Variants in ELAVL2 observed in about 807,000 individuals in gnomAD.
The protein encoded by ELAVL2 is ELAV-like protein 2.
A neutral mutation model predicts 34.6 loss-of-function variants in ELAVL2; 4 were observed. That is an observed-to-expected ratio of 0.12 (90% CI 0.06 to 0.26). ELAVL2 has a LOEUF of 0.26. ELAVL2 is among the 10% of genes least tolerant of loss of function. The pLI is 1.00. For missense variants in ELAVL2, 432 were observed against 442.8 expected (o/e 0.98, Z 0.22); for synonymous variants, 193 against 154.8 (o/e 1.25, Z -1.83).
intron 5 of ELAVL2, among the ~76,000 whole-genome samples, chr9:23,700,194 T>C (rs976485094): frequency 6.6e-6 from 1 of 152,162 alleles, no homozygotes; most frequent in African/African-American, 2.4e-5. Context: ...ATGAAATAAA[T>C]AAAATTGATA....
chr9:23,824,300 A>T (rs1336876366), intron 1 of ELAVL2, among the ~76,000 whole-genome samples: 2 of 152,184 alleles, frequency 1.3e-5, no homozygotes, highest in African/African-American at 4.8e-5. Flanking sequence ...GGTACGTAGC[A>T]ACGTGCTGGG....
chr9:23,760,258 T>C (rs2054651086), intron 2 of ELAVL2, among the ~76,000 whole-genome samples: 1 of 151,984 alleles, frequency 6.6e-6, no homozygotes, highest in South Asian at 2.1e-4. Context: ...TGTCTAATAT[T>C]TTCATCTTAT....
At chr9:23,698,176 G>A (rs904521341) in intron 5 of ELAVL2, among the ~76,000 whole-genome samples, 2 of 152,054 alleles carry the variant, frequency 1.3e-5, no homozygotes, top group Non-Finnish European at 2.9e-5. Flanking sequence ...AATTATAGCT[G>A]TTTCACAGAA....
At chr9:23,838,852 C>A in the ELAVL2 span, among the ~76,000 whole-genome samples, 3 of 152,024 alleles carry the variant, frequency 2.0e-5, no homozygotes, top group East Asian at 5.8e-4. Context: ...TGAGATTGAA[C>A]AAAAACTGGC....
At chr9:23,822,826 A>C (rs2138639521) in intron 1 of ELAVL2, among the ~76,000 whole-genome samples, 2 of 152,222 alleles carry the variant, frequency 1.3e-5, no homozygotes, top group Middle Eastern at 3.4e-3. Flanking sequence ...CGCCGCAAGA[A>C]CGTGACCGAG....
At chr9:23,703,682 C>T (rs1165298044) in intron 4 of ELAVL2, among the ~76,000 whole-genome samples, 1 of 152,112 alleles carries the variant, frequency 6.6e-6, no homozygotes, top group East Asian at 1.9e-4. Context: ...CTTCTGAAGT[C>T]ACTGCTTTAA....
the ELAVL2 span, among the ~76,000 whole-genome samples, chr9:23,844,691 A>G: frequency 6.6e-6 from 1 of 151,902 alleles, no homozygotes; most frequent in Non-Finnish European, 1.5e-5. Context: ...GGTTTCATTA[A>G]CTTTATAATC....
chr9:23,813,223 T>C (rs532241207), intron 1 of ELAVL2, among the ~76,000 whole-genome samples: 7 of 152,296 alleles, frequency 4.6e-5, no homozygotes, highest in Non-Finnish European at 7.4e-5. Flanking sequence ...AAACATGACA[T>C]GTGGAGCCTC....
At chr9:23,837,768 T>G in the ELAVL2 span, among the ~76,000 whole-genome samples, 3 of 152,178 alleles carry the variant, frequency 2.0e-5, no homozygotes, top group Non-Finnish European at 2.9e-5. Flanking sequence ...AAACAGATAT[T>G]ACGATGAACA....
At chr9:23,741,616 CAG>C (rs1337267936) in intron 2 of ELAVL2, among the ~76,000 whole-genome samples, 2 of 152,114 alleles carry the variant, frequency 1.3e-5, no homozygotes, top group Non-Finnish European at 2.9e-5. Context: ...AAACCAGGAA[CAG>C]AGTCCCCACT....
chr9:23,799,113 G>A (rs16907769), intron 1 of ELAVL2, among the ~76,000 whole-genome samples: 4,586 of 152,208 alleles, frequency 0.03, 240 homozygotes, highest in Admixed American at 0.13. Flanking sequence ...GACATAATAT[G>A]ACTAGAAAGC....
intron 5 of ELAVL2, among the ~76,000 whole-genome samples, chr9:23,694,393 C>G (rs907872317): frequency 1.6e-4 from 24 of 152,036 alleles, no homozygotes; most frequent in Admixed American, 1.6e-3. Flanking sequence ...TTTCAAAACA[C>G]CACTCTAATG....
chr9:23,692,977 G>A (rs2033706527), intron 6 of ELAVL2, 93 bp from the exon 7 acceptor site: 5 of 1,153,382 alleles, frequency 4.3e-6, no homozygotes, highest in Admixed American at 2.7e-5. Flanking sequence ...CCATCCCCAA[G>A]AATTTTAGTA....
At chr9:23,732,360 C>T (rs889557557) in intron 2 of ELAVL2, among the ~76,000 whole-genome samples, 10 of 152,034 alleles carry the variant, frequency 6.6e-5, no homozygotes, top group Non-Finnish European at 1.0e-4. Flanking sequence ...TATTTTGGGA[C>T]CACAATCAGA....
chr9:23,847,294 A>G, the ELAVL2 span: 1 of 152,022 alleles, frequency 6.6e-6, no homozygotes, highest in African/African-American at 2.4e-5. Flanking sequence ...CATGCCCTGG[A>G]TATGGTACAA....
intron 2 of ELAVL2, among the ~76,000 whole-genome samples, chr9:23,737,795 TA>T (rs1330132940): frequency 6.6e-6 from 1 of 152,188 alleles, no homozygotes; most frequent in Non-Finnish European, 1.5e-5. Flanking sequence ...AACAGGTCAC[TA>T]TGGTCCTCTC....
At chr9:23,771,729 T>C (rs1393301195) in intron 1 of ELAVL2, among the ~76,000 whole-genome samples, 1 of 152,102 alleles carries the variant, frequency 6.6e-6, no homozygotes, top group Non-Finnish European at 1.5e-5. Flanking sequence ...AGCTCAAAGC[T>C]CTCCCCAAAA....
chr9:23,772,667 A>G (rs1429975284), intron 1 of ELAVL2, among the ~76,000 whole-genome samples: 1 of 152,040 alleles, frequency 6.6e-6, no homozygotes, highest in African/African-American at 2.4e-5. Context: ...TCATTGATGT[A>G]TTGTGGAGAG....
intron 1 of ELAVL2, among the ~76,000 whole-genome samples, chr9:23,788,097 C>G (rs1291997843): frequency 1.3e-5 from 2 of 152,104 alleles, no homozygotes; most frequent in African/African-American, 2.4e-5. Flanking sequence ...AAGAAGGGAG[C>G]ACAAAATGAC....
Sources: allele counts gnomAD v4.1 joint callset (sites outside exome capture counted in the v4.1 genomes callset), GRCh38; gene constraint gnomAD v4.1.1; transcripts MANE v1.5; gene names NCBI Gene and HGNC (gene_info 2026-07-23, HGNC 2026-07-21).